The following DOCK1 variants were observed in gnomAD, a reference collection of about 807,000 sequenced individuals.
DOCK1 encodes dedicator of cytokinesis protein 1.
In DOCK1, 138 loss-of-function variants were observed where a neutral mutation model predicts 262.7. The ratio of observed to expected loss-of-function variants is 0.53; its 90% CI spans 0.46 to 0.61. DOCK1 has a LOEUF of 0.61. Among genes scored for constraint, DOCK1 ranks in the 20% least tolerant of loss-of-function variants. DOCK1 has a pLI of 0.00. For synonymous variants in DOCK1, 866 were observed against 867.4 expected (o/e 1.00, Z 0.03); for missense variants, 1,908 against 2,370.7 (o/e 0.80, Z 4.05).
chr10:127,125,120 A>G (rs566719333), intron 25 of DOCK1, among the ~76,000 whole-genome samples: 18 of 152,284 alleles, frequency 1.2e-4, no homozygotes, highest in South Asian at 4.1e-4. Context: ...CCGTCTCAAA[A>G]ACAAAACAAC....
intron 23 of DOCK1, among the ~76,000 whole-genome samples, chr10:127,070,805 T>C (rs2046185071): frequency 6.6e-6 from 1 of 151,654 alleles, no homozygotes; most frequent in African/African-American, 2.4e-5. Flanking sequence ...CTCAAGATGT[T>C]TCATTATAAT....
intron 1 of DOCK1, among the ~76,000 whole-genome samples, chr10:126,943,092 A>AT (rs2035142364): frequency 2.0e-5 from 2 of 100,858 alleles, no homozygotes; most frequent in Admixed American, 2.0e-4. Context: ...TCCTATCTCT[A>AT]CCAAAAAAAA....
intron 22 of DOCK1, among the ~76,000 whole-genome samples, chr10:127,060,550 C>T (rs756602646): frequency 1.3e-5 from 2 of 152,152 alleles, no homozygotes; most frequent in Non-Finnish European, 2.9e-5. Context: ...AATTAGGCAG[C>T]AAACTAGTAT....
At chr10:127,082,739 A>G (rs559857503) in intron 23 of DOCK1, among the ~76,000 whole-genome samples, 2 of 152,242 alleles carry the variant, frequency 1.3e-5, no homozygotes, top group South Asian at 4.2e-4. Flanking sequence ...CTGGAGGGGA[A>G]GGAGACAGAA....
At chr10:127,443,867 G>T (rs1209494279) in intron 49 of DOCK1, among the ~76,000 whole-genome samples, 2 of 151,954 alleles carry the variant, frequency 1.3e-5, no homozygotes, top group East Asian at 1.9e-4. Context: ...TGTGTGTTTT[G>T]GGGGGTCTCT....
intron 1 of DOCK1, among the ~76,000 whole-genome samples, chr10:126,948,852 G>A (rs1373951313): frequency 1.3e-5 from 2 of 152,096 alleles, no homozygotes; most frequent in Non-Finnish European, 2.9e-5. Context: ...CCTTTCCTGA[G>A]GTTGGGGATA....
intron 23 of DOCK1, among the ~76,000 whole-genome samples, chr10:127,087,841 C>T (rs73374756): frequency 0.06 from 9,180 of 152,242 alleles, 722 homozygotes; most frequent in African/African-American, 0.18. Context: ...TGGGGACTCT[C>T]ACCCTGGACT....
chr10:126,946,945 G>C (rs1040636637), intron 1 of DOCK1, among the ~76,000 whole-genome samples: 2 of 152,154 alleles, frequency 1.3e-5, no homozygotes, highest in African/African-American at 4.8e-5. Flanking sequence ...TGGATCAGAC[G>C]CTCATTGTGA....
At chr10:127,144,185 A>C (rs1220890563) in intron 27 of DOCK1, among the ~76,000 whole-genome samples, 1 of 152,134 alleles carries the variant, frequency 6.6e-6, no homozygotes. Context: ...TCCAGTTACC[A>C]GAGTCACCTT....
chr10:127,213,603 T>C (rs903837833), intron 27 of DOCK1, among the ~76,000 whole-genome samples: 1 of 152,244 alleles, frequency 6.6e-6, no homozygotes, highest in Admixed American at 6.5e-5. Flanking sequence ...AATACATTAA[T>C]GTACACCAAG....
At chr10:127,072,957 C>A (rs2046317940) in intron 23 of DOCK1, among the ~76,000 whole-genome samples, 1 of 152,148 alleles carries the variant, frequency 6.6e-6, no homozygotes, top group Admixed American at 6.5e-5. Flanking sequence ...CTAGAGATAC[C>A]AGCATTTAGA....
intron 23 of DOCK1, among the ~76,000 whole-genome samples, chr10:127,105,918 G>A (rs890021767): frequency 2.6e-5 from 4 of 151,950 alleles, no homozygotes; most frequent in Non-Finnish European, 4.4e-5. Flanking sequence ...AGCCACCAAT[G>A]CCTGGCTAAT....
At chr10:126,964,745 G>A (rs1390143456) in intron 1 of DOCK1, among the ~76,000 whole-genome samples, 1 of 152,192 alleles carries the variant, frequency 6.6e-6, no homozygotes, top group Non-Finnish European at 1.5e-5. Flanking sequence ...GATGCTTTGG[G>A]GAGGCTATGG....
rs549389713 is a variant in DOCK1 at position 127,235,043 on chromosome 10, T to C, written c.2848-12965T>C. On this transcript the variant is annotated intron_variant, in intron 27 of 51. Transcript: ENST00000623213. ...ATACTGTATAAAGCATATATACTTA[T>C]ACATAAATCTATATAAAGTATACTT... 4.7e-5 allele frequency among the ~76,000 whole-genome samples: 7 copies of C among 148,926 alleles called. No homozygotes were observed. The East Asian group carries it at 1.4e-3, about 29-fold the overall frequency.
At chr10:127,320,908 CA>C (rs955351832) in intron 29 of DOCK1, among the ~76,000 whole-genome samples, 3 of 152,106 alleles carry the variant, frequency 2.0e-5, no homozygotes, top group Non-Finnish European at 2.9e-5. Context: ...ACCTCACCCT[CA>C]CCCTCACTGT....
At chr10:127,415,093 A>G in intron 43 of DOCK1, 59 bp from the exon 44 acceptor site, 1 of 1,510,182 alleles carries the variant, frequency 6.6e-7, no homozygotes, top group South Asian at 1.2e-5. Context: ...CTTAGGGCAG[A>G]GCTGTCCACC....
intron 21 of DOCK1, among the ~76,000 whole-genome samples, chr10:127,046,149 C>T (rs2044332138): frequency 6.6e-6 from 1 of 151,834 alleles, no homozygotes; most frequent in Non-Finnish European, 1.5e-5. Flanking sequence ...TGTTTATTCC[C>T]TGGGATATTA....
intron 38 of DOCK1, among the ~76,000 whole-genome samples, chr10:127,400,662 G>A (rs143330707): frequency 2.0e-4 from 31 of 152,300 alleles, no homozygotes; most frequent in African/African-American, 7.0e-4. Flanking sequence ...GCCTTAAACC[G>A]GAGAGCACAG....
chr10:127,250,108 C>T (rs1243025480), intron 28 of DOCK1, among the ~76,000 whole-genome samples: 1 of 152,168 alleles, frequency 6.6e-6, no homozygotes. Context: ...GCTAGAGGAA[C>T]AGTTTTGCAG....
Sources: gnomAD v4.1 joint callset for allele counts (sites outside exome capture counted in the v4.1 genomes callset) on GRCh38, gnomAD v4.1.1 for gene constraint, MANE v1.5 for transcripts, NCBI Gene and HGNC (gene_info 2026-07-23, HGNC 2026-07-21) for gene names.